SLC35F4: variants seen among roughly 807,000 people sequenced by gnomAD.
SLC35F4 encodes solute carrier family 35 member F4, also known as chromosome 14 open reading frame 36.
A neutral mutation model predicts 44.2 loss-of-function variants in SLC35F4; 24 were observed. That is an observed-to-expected ratio of 0.54 (90% CI 0.39 to 0.76). The LOEUF (loss-of-function observed/expected upper bound fraction) is 0.76, where lower values mean the gene tolerates loss of function less well. Ranked by LOEUF, SLC35F4 falls within the 30% of genes least tolerant of loss-of-function variation. The pLI, the probability that SLC35F4 is intolerant of heterozygous loss-of-function variation, is 0.00. For synonymous variants in SLC35F4, 238 were observed against 223.6 expected, an observed-to-expected ratio of 1.06 and a Z score of -0.57; for missense variants, 562 against 586.1, an observed-to-expected ratio of 0.96 and a Z score of 0.42.
chr14:57,902,852 C>T (rs1460772727), intron 1 of SLC35F4, among the ~76,000 whole-genome samples: 1 of 152,140 alleles, frequency 6.6e-6, no homozygotes, highest in African/African-American at 2.4e-5. Flanking sequence ...TCCCTGATAC[C>T]TGCATCACTC....
upstream of SLC35F4, among the ~76,000 whole-genome samples, chr14:57,870,445 A>G (rs144360323): frequency 3.5e-4 from 54 of 152,316 alleles, 1 homozygote; most frequent in African/African-American, 1.3e-3. Context: ...CATCTCTAAA[A>G]TAGAAATATA....
chr14:57,920,752 A>G (rs1889425159), intron 1 of SLC35F4, among the ~76,000 whole-genome samples: 1 of 152,306 alleles, frequency 6.6e-6, no homozygotes, highest in South Asian at 2.1e-4. Context: ...TAAATATAGT[A>G]ATGTATTCTA....
At chr14:57,581,516 G>A (rs2069255793) in intron 3 of SLC35F4, 83 bp from the exon 4 acceptor site, 6 of 1,244,146 alleles carry the variant, frequency 4.8e-6, no homozygotes, top group Non-Finnish European at 6.7e-6. Context: ...CCATTTTCAG[G>A]TAAGAGCACA....
At chr14:57,778,028 C>T (rs1221746177) in intron 1 of SLC35F4, among the ~76,000 whole-genome samples, 1 of 152,136 alleles carries the variant, frequency 6.6e-6, no homozygotes, top group Non-Finnish European at 1.5e-5. Flanking sequence ...ATGGGAAGAA[C>T]CTGGTGGGAG....
intron 1 of SLC35F4, among the ~76,000 whole-genome samples, chr14:57,885,203 C>T (rs1452158310): frequency 6.6e-6 from 1 of 152,096 alleles, no homozygotes; most frequent in Non-Finnish European, 1.5e-5. Context: ...CCTAGTCTGC[C>T]CAGCTCATCT....
intron 1 of SLC35F4, among the ~76,000 whole-genome samples, chr14:57,769,049 TAAGGAATTTCC>T (rs1412344414): frequency 6.6e-6 from 1 of 152,178 alleles, no homozygotes; most frequent in Admixed American, 6.5e-5. Flanking sequence ...GTACTGTTTG[TAAGGAATTTCC>T]AGAAAACATC....
intron 1 of SLC35F4, among the ~76,000 whole-genome samples, chr14:57,670,235 G>A (rs1234931792): frequency 2.0e-5 from 3 of 151,790 alleles, no homozygotes; most frequent in African/African-American, 7.3e-5. Flanking sequence ...TTCTTTATTA[G>A]TCTTGCTAGC....
At position 57,589,444 on chromosome 14, in the gene SLC35F4, G is replaced by A. The variant is rs2070013766; in HGVS notation, c.359C>T (p.Ser120Phe). 1 of 1,613,784 alleles carries A rather than the reference G, an allele frequency of 6.2e-7. No homozygotes were observed. Among genetic ancestry groups the A allele is most frequent in the Non-Finnish European group, 8.5e-7 (1 of 1,179,876 alleles). Residue 120 changes from serine to phenylalanine, a missense_variant, in exon 3 of 8, where the codon TCC becomes TTC. By Grantham distance (155) the Ser-to-Phe change is radical (BLOSUM62 -2). Transcript: ENST00000556826. ...QENRIKARCL[S>F]CTSMVLKGIW... ...GCCCTTCAGAACCATGGACGTGCAG[G>A]ACAGGCAGCGAGCCTTGATTCTGTT...
intron 1 of SLC35F4, among the ~76,000 whole-genome samples, chr14:57,743,500 A>T (rs1023641430): frequency 6.6e-6 from 1 of 152,218 alleles, no homozygotes; most frequent in Non-Finnish European, 1.5e-5. Flanking sequence ...TCCTGGACAC[A>T]TACACCCTCC....
rs942138180 is a variant in SLC35F4 at position 57,695,704 on chromosome 14, A to G, written c.104-101580T>C. On this transcript the variant is annotated intron_variant, in intron 1 of 7. Transcript: ENST00000556826. ...CTAAGGGATTATAAATCATGCTGCT[A>G]TAAAGACACATGCACACGCATGTTT... 2.0e-5 allele frequency among the ~76,000 whole-genome samples: 3 copies of G among 152,324 alleles called. No homozygotes were observed. The South Asian group carries it at 6.2e-4, about 32-fold the overall frequency.
At chr14:57,700,752 A>G (rs1351017635) in intron 1 of SLC35F4, among the ~76,000 whole-genome samples, 1 of 151,952 alleles carries the variant, frequency 6.6e-6, no homozygotes, top group East Asian at 1.9e-4. Flanking sequence ...AGAAATACAA[A>G]AATCTGACCA....
intron 1 of SLC35F4, among the ~76,000 whole-genome samples, chr14:57,734,104 A>G (rs2076410202): frequency 6.6e-6 from 1 of 152,204 alleles, no homozygotes; most frequent in Non-Finnish European, 1.5e-5. Context: ...AAGCTGTCTT[A>G]TGAAGTAGCA....
chr14:57,943,045 C>T lies in SLC35F4; in HGVS notation n.282+38868G>A, dbSNP rs1889942960. On this transcript the variant is annotated intron_variant and non_coding_transcript_variant, in intron 1 of 1. Transcript: ENST00000556568. ...TCATTCTTACACCAATGCTTCCAATCTCTTTGTTCCTCATAACACTATGTG... is the reference window on the plus strand; with the variant it reads ...TCATTCTTACACCAATGCTTCCAATTTCTTTGTTCCTCATAACACTATGTG... 2.0e-5 allele frequency among the ~76,000 whole-genome samples: 3 copies of T among 152,190 alleles called. No individual in the cohort carries two copies. In the South Asian group the frequency reaches 6.2e-4, roughly 32 times the overall value.
intron 1 of SLC35F4, among the ~76,000 whole-genome samples, chr14:57,720,226 T>C (rs2076049182): frequency 6.6e-6 from 1 of 152,154 alleles, no homozygotes; most frequent in Admixed American, 6.5e-5. Flanking sequence ...TTGTTGAATT[T>C]GGTTTGCTAG....
intron 1 of SLC35F4, among the ~76,000 whole-genome samples, chr14:57,694,975 G>A (rs2075339406): frequency 6.6e-6 from 1 of 151,932 alleles, no homozygotes; most frequent in East Asian, 1.9e-4. Flanking sequence ...AAATAATGAG[G>A]ATTATTTATA....
At chr14:57,582,276 ACCTCCG>A (rs1333950497) in intron 3 of SLC35F4, among the ~76,000 whole-genome samples, 3 of 151,764 alleles carry the variant, frequency 2.0e-5, no homozygotes, top group Non-Finnish European at 2.9e-5. Flanking sequence ...GCTCACTGCA[ACCTCCG>A]CCTCCCAGAC....
chr14:57,964,985 A>ATATATATAT (rs1361527829), intron 1 of SLC35F4, among the ~76,000 whole-genome samples: 1 of 130,976 alleles, frequency 7.6e-6, no homozygotes, highest in East Asian at 2.3e-4. Flanking sequence ...AAAAAAAAAA[A>ATATATATAT]AAAAAAATAT....
At chr14:57,711,511 C>T (rs2075817556) in intron 1 of SLC35F4, among the ~76,000 whole-genome samples, 1 of 152,026 alleles carries the variant, frequency 6.6e-6, no homozygotes, top group African/African-American at 2.4e-5. Flanking sequence ...TTTTTATGTA[C>T]AATAATGGAA....
intron 1 of SLC35F4, among the ~76,000 whole-genome samples, chr14:57,708,125 C>T (rs548242613): frequency 6.6e-6 from 1 of 152,274 alleles, no homozygotes; most frequent in Non-Finnish European, 1.5e-5. Flanking sequence ...TATTGTAAAA[C>T]CTAAGATCAG....
Sources: allele counts gnomAD v4.1 joint callset (sites outside exome capture counted in the v4.1 genomes callset), GRCh38; gene constraint gnomAD v4.1.1; transcripts MANE v1.5; gene names NCBI Gene and HGNC (gene_info 2026-07-23, HGNC 2026-07-21).